CSMD1: variants seen among roughly 807,000 people sequenced by gnomAD.
CSMD1 encodes the protein CUB and sushi domain-containing protein 1.
A neutral mutation model predicts 417.5 loss-of-function variants in CSMD1; 213 were observed. The ratio of observed to expected loss-of-function variants is 0.51; its 90% CI spans 0.46 to 0.57. The LOEUF is 0.57. Among genes scored for constraint, CSMD1 ranks in the 20% least tolerant of loss-of-function variants. The probability of loss-of-function intolerance (pLI) is 0.00; values close to 1 mark genes in which losing one functional copy is unlikely to be tolerated. For missense variants in CSMD1, 6,923 were observed against 4,529.7 expected (o/e 1.53, Z -15.17); for synonymous variants, 2,862 against 1,736.8 (o/e 1.65, Z -16.11).
At chr8:2,948,581 A>G (rs763064028) in intron 68 of CSMD1, among the ~76,000 whole-genome samples, 1 of 152,174 alleles carries the variant, frequency 6.6e-6, no homozygotes, top group Non-Finnish European at 1.5e-5. Flanking sequence ...TTTCATAGGT[A>G]GTATAATTTG....
chr8:3,135,893 A>G (rs1215078453), intron 41 of CSMD1, among the ~76,000 whole-genome samples: 1 of 152,172 alleles, frequency 6.6e-6, no homozygotes, highest in Non-Finnish European at 1.5e-5. Flanking sequence ...GGGACATATC[A>G]TCCATGTGTA....
intron 50 of CSMD1, among the ~76,000 whole-genome samples, chr8:3,032,871 C>T (rs530892732): frequency 6.6e-6 from 1 of 151,976 alleles, no homozygotes; most frequent in African/African-American, 2.4e-5. Context: ...TCTTTATATA[C>T]CCTTCATTAA....
chr8:4,069,193 C>A (rs550899697), intron 3 of CSMD1, among the ~76,000 whole-genome samples: 1 of 152,230 alleles, frequency 6.6e-6, no homozygotes, highest in East Asian at 1.9e-4. Context: ...AAACCACATA[C>A]TCTGATTGAG....
At chr8:2,957,593 G>A (rs1803107523) in intron 63 of CSMD1, 103 bp downstream of exon 63, 2 of 799,368 alleles carry the variant, frequency 2.5e-6, no homozygotes, top group African/African-American at 3.5e-5. Context: ...TAGGATTAGG[G>A]AATTAAAAAC....
chr8:3,374,470 A>T (rs1459803608), intron 18 of CSMD1, among the ~76,000 whole-genome samples: 1 of 152,210 alleles, frequency 6.6e-6, no homozygotes, highest in Non-Finnish European at 1.5e-5. Context: ...CTTGGTTTTA[A>T]AACTCCAGAT....
intron 10 of CSMD1, among the ~76,000 whole-genome samples, chr8:3,524,034 T>G (rs1344132336): frequency 1.2e-5 from 1 of 81,850 alleles, no homozygotes; most frequent in African/African-American, 5.9e-5. Flanking sequence ...CACACACACA[T>G]GCACACCCAG....
At position 4,580,242 on chromosome 8, in the gene CSMD1, C is replaced by A. The variant is rs1456200473; in HGVS notation, c.302+57100G>T. On this transcript the variant is annotated intron_variant, in intron 2 of 69. Coordinates refer to ENST00000635120, the MANE Select transcript of CSMD1 (RefSeq NM_033225.6). ...CTTCCCCTTGTGGGTACTGCCTTAA[C>A]ACGCCCTCTGCTCTCGGCTGTGGTC... is the stretch of plus-strand genomic sequence containing the variant. Among the ~76,000 whole-genome samples, 3 of 152,316 alleles carry A rather than the reference C, an allele frequency of 2.0e-5. No homozygotes were observed. The East Asian group carries it at 5.8e-4, about 29-fold the overall frequency.
At chr8:3,306,393 C>T (rs189297617) in intron 25 of CSMD1, among the ~76,000 whole-genome samples, 33 of 152,256 alleles carry the variant, frequency 2.2e-4, no homozygotes, top group Middle Eastern at 3.4e-3. Context: ...AGGCTGATCT[C>T]GAACTACTGA....
chr8:4,366,932 A>T (rs1467649270), intron 3 of CSMD1, among the ~76,000 whole-genome samples: 2 of 151,956 alleles, frequency 1.3e-5, no homozygotes, highest in Non-Finnish European at 2.9e-5. Flanking sequence ...TTCCCTACAG[A>T]TTCTTGATAT....
chr8:2,941,571 C>G (rs962256314), intron 69 of CSMD1, among the ~76,000 whole-genome samples: 16 of 152,116 alleles, frequency 1.1e-4, no homozygotes, highest in African/African-American at 3.9e-4. Context: ...GTTTATAGTT[C>G]CTCCAAAATA....
At chr8:4,796,809 A>G (rs111814269) in intron 1 of CSMD1, among the ~76,000 whole-genome samples, 2,898 of 152,170 alleles carry the variant, frequency 0.019, 104 homozygotes, top group African/African-American at 0.066. Flanking sequence ...TCCCCTTTGC[A>G]TGTTTATCTT....
chr8:4,119,374 G>C (rs912369808), intron 3 of CSMD1, among the ~76,000 whole-genome samples: 1 of 152,146 alleles, frequency 6.6e-6, no homozygotes, highest in Non-Finnish European at 1.5e-5. Flanking sequence ...TTTTTAAAGA[G>C]GTTGATCTAC....
chr8:3,895,919 G>A (rs1196699893), intron 5 of CSMD1, among the ~76,000 whole-genome samples: 1 of 152,186 alleles, frequency 6.6e-6, no homozygotes, highest in Non-Finnish European at 1.5e-5. Context: ...TCAGGTGGGA[G>A]AGGCACCAAC....
chr8:4,386,327 C>T (rs1318800295), intron 3 of CSMD1, among the ~76,000 whole-genome samples: 2 of 151,732 alleles, frequency 1.3e-5, no homozygotes, highest in African/African-American at 4.9e-5. Flanking sequence ...CTCCTACCTT[C>T]CGTCCTCGGT....
intron 1 of CSMD1, chr8:4,788,201 T>G: frequency 1.9e-6 from 3 of 1,592,834 alleles, no homozygotes; most frequent in East Asian, 2.2e-5. Flanking sequence ...CATGTGAACT[T>G]TGAGTAACAT....
chr8:3,639,119 C>T (rs1262920469), intron 7 of CSMD1, among the ~76,000 whole-genome samples: 2 of 152,156 alleles, frequency 1.3e-5, no homozygotes, highest in Non-Finnish European at 2.9e-5. Flanking sequence ...TTCATTCTAG[C>T]AAAAGATTTT....
chr8:4,457,133 T>C (rs1170599317), intron 2 of CSMD1, among the ~76,000 whole-genome samples: 1 of 152,098 alleles, frequency 6.6e-6, no homozygotes, highest in Admixed American at 6.5e-5. Context: ...AAAGAGTTAT[T>C]CCTATACCTT....
intron 3 of CSMD1, among the ~76,000 whole-genome samples, chr8:4,109,554 C>T (rs1801744297): frequency 6.6e-6 from 1 of 152,030 alleles, no homozygotes; most frequent in Admixed American, 6.6e-5. Flanking sequence ...CAAAATTGAC[C>T]ATCATTTCCC....
chr8:4,107,819 T>C (rs1801645287), intron 3 of CSMD1, among the ~76,000 whole-genome samples: 1 of 152,224 alleles, frequency 6.6e-6, no homozygotes, highest in Admixed American at 6.5e-5. Context: ...GAGCCTGCTT[T>C]ATAAGAACGA....
Sources: allele counts gnomAD v4.1 joint callset (sites outside exome capture counted in the v4.1 genomes callset), GRCh38; gene constraint gnomAD v4.1.1; transcripts MANE v1.5; gene names NCBI Gene and HGNC (gene_info 2026-07-23, HGNC 2026-07-21).